The following EMILIN2 variants were observed in gnomAD, a reference collection of about 807,000 sequenced individuals.
EMILIN2 encodes EMILIN-2.
A neutral mutation model predicts 87.1 loss-of-function variants in EMILIN2; 71 were observed. That is an observed-to-expected ratio of 0.82 (90% CI 0.67 to 0.99). EMILIN2 has a LOEUF of 0.99. Ranked by LOEUF, EMILIN2 falls within the 50% of genes least tolerant of loss-of-function variation. The pLI is 0.00. For missense variants in EMILIN2, 1,407 were observed against 1,371.8 expected (o/e 1.03, Z -0.40); for synonymous variants, 581 against 563.4 (o/e 1.03, Z -0.44).
chr18:2,886,419 G>A (rs894250719), intron 3 of EMILIN2, among the ~76,000 whole-genome samples: 1 of 152,104 alleles, frequency 6.6e-6, no homozygotes, highest in African/African-American at 2.4e-5. Context: ...GGACTAATAG[G>A]AAAAACAATG....
chr18:2,858,569 A>ATATATATG (rs1305555851), intron 2 of EMILIN2, among the ~76,000 whole-genome samples: 44 of 55,344 alleles, frequency 8.0e-4, no homozygotes, highest in African/African-American at 1.7e-3. Flanking sequence ...ATATATATAT[A>ATATATATG]TGTGTGTGTG....
rs1157417174 is a variant in EMILIN2 at position 2,914,959 on chromosome 18, G to C, written c.*1555G>C. On this transcript the variant is annotated 3_prime_UTR_variant, in exon 8 of 8. Transcript: ENST00000254528. ...TCAGAGAGTATCCTTGGCTGTCCTA[G>C]GAATGACTCATGGAAAGCGCCCCAG... The C allele has an allele frequency of 1.3e-5, 2 of 152,218 alleles. No homozygotes were observed. The highest frequency in any genetic ancestry group is 1.3e-4 in the Admixed American group (2 of 15,282). 9.4% of individuals were successfully genotyped at this position (152,218 alleles called of 1,614,324 possible). A position where few individuals can be genotyped will look rare whatever the true frequency, so the allele number is the denominator to read the frequency against.
intron 4 of EMILIN2, chr18:2,906,407 G>A (rs1370602407): frequency 6.1e-6 from 1 of 164,684 alleles, no homozygotes. Context: ...GTTCAGAGAC[G>A]GTGCGGGGGT....
chr18:2,872,466 C>T (rs1203717368), intron 2 of EMILIN2, among the ~76,000 whole-genome samples: 2 of 152,206 alleles, frequency 1.3e-5, no homozygotes, highest in Non-Finnish European at 2.9e-5. Context: ...AAGCGAGCCT[C>T]CTGCCTCGGC....
chr18:2,846,702 C>G (rs777748848), upstream of EMILIN2: 2 of 974,842 alleles, frequency 2.1e-6, no homozygotes, highest in Non-Finnish European at 2.4e-6. This position sits in a 1 kb window ranked among gnomAD's most constrained non-coding sequence, Gnocchi z 5.3. Flanking sequence ...GACTCGCCGA[C>G]GGCGGCCGCG....
Position 2,847,173 on chromosome 18 carries a change from GC to G in EMILIN2, c.-13del. The G allele has an allele frequency of 9.1e-7, 1 of 1,099,056 alleles. No homozygotes were observed. The highest frequency in any genetic ancestry group is 4.1e-4 in the Middle Eastern group (1 of 2,466). 68.1% of individuals were successfully genotyped at this position (1,099,056 alleles called of 1,614,324 possible). Reference sequence around the variant, plus strand: ...CTCCGGACCCGGGCAGGCGGGGCGCGCCCGCTGCGCGCGGGATGTGGCAGCC... The same window carrying G: ...CTCCGGACCCGGGCAGGCGGGGCGCGCCGCTGCGCGCGGGATGTGGCAGCC... On this transcript the variant is annotated 5_prime_UTR_variant, in exon 1 of 8. Coordinates refer to ENST00000254528, the MANE Select transcript of EMILIN2 (RefSeq NM_032048.3). This position sits in a 1 kb window ranked among gnomAD's most constrained non-coding sequence, Gnocchi z 4.5.
chr18:2,910,543 T>C (rs1463756706), intron 7 of EMILIN2, among the ~76,000 whole-genome samples: 1 of 152,132 alleles, frequency 6.6e-6, no homozygotes, highest in Admixed American at 6.5e-5. Flanking sequence ...CCCAGGCAGG[T>C]GTGGGGAGGT....
chr18:2,868,747 C>T (rs982915652), intron 2 of EMILIN2, among the ~76,000 whole-genome samples: 97 of 152,358 alleles, frequency 6.4e-4, no homozygotes, highest in East Asian at 1.9e-3. Context: ...ATGGCAGCAG[C>T]ACAGTCCAGC....
chr18:2,867,557 C>T lies in EMILIN2; in HGVS notation c.258-17407C>T, dbSNP rs887803140. Among the ~76,000 whole-genome samples, 6 of 152,224 alleles carry T rather than the reference C, an allele frequency of 3.9e-5. No homozygotes were observed. In the South Asian group the frequency reaches 8.3e-4, roughly 21 times the overall value. Reference sequence around the variant, plus strand: ...ATTAGGGAGTGGTGATGACTCTCAACGAGCATGCTGCCTTCAAGCATCTGT... The same window carrying T: ...ATTAGGGAGTGGTGATGACTCTCAATGAGCATGCTGCCTTCAAGCATCTGT... On this transcript the variant is annotated intron_variant, in intron 2 of 7. Coordinates refer to ENST00000254528, the MANE Select transcript of EMILIN2 (RefSeq NM_032048.3).
intron 2 of EMILIN2, among the ~76,000 whole-genome samples, chr18:2,856,047 A>T (rs1674909078): frequency 6.6e-6 from 1 of 152,162 alleles, no homozygotes; most frequent in Non-Finnish European, 1.5e-5. Context: ...GTGAATTAAG[A>T]TAATAATGAT....
chr18:2,846,998 G>T, upstream of EMILIN2: 1 of 1,025,110 alleles, frequency 9.8e-7, no homozygotes, highest in Non-Finnish European at 1.2e-6. The surrounding 1 kb of genome is among the most constrained non-coding windows in gnomAD (Gnocchi z 5.3). Flanking sequence ...CAGGGCGCAC[G>T]GGGCTGCAGA....
intron 4 of EMILIN2, among the ~76,000 whole-genome samples, chr18:2,893,976 G>T (rs968800414): frequency 1.3e-5 from 2 of 152,150 alleles, no homozygotes; most frequent in African/African-American, 4.8e-5. Context: ...TGTGCTAGAA[G>T]GAACCTATTC....
chr18:2,888,588 A>G (rs9960441), intron 3 of EMILIN2, among the ~76,000 whole-genome samples: 19,826 of 151,486 alleles, frequency 0.13, 1,491 homozygotes, highest in South Asian at 0.31. Context: ...GGTGGTGGGC[A>G]CCTGTAGTCC....
intron 6 of EMILIN2, among the ~76,000 whole-genome samples, chr18:2,909,482 G>A (rs73936857): frequency 0.065 from 9,943 of 152,248 alleles, 920 homozygotes; most frequent in African/African-American, 0.21. Flanking sequence ...GAGTCTGTCC[G>A]GTTTCTCAGA....
chr18:2,860,555 A>G (rs924886619), intron 2 of EMILIN2, among the ~76,000 whole-genome samples: 41 of 152,158 alleles, frequency 2.7e-4, no homozygotes, highest in African/African-American at 9.2e-4. Context: ...TGTCCCTACA[A>G]AGGACATGAA....
chr18:2,877,101 G>A (rs1394819376), intron 2 of EMILIN2, among the ~76,000 whole-genome samples: 1 of 152,180 alleles, frequency 6.6e-6, no homozygotes, highest in Non-Finnish European at 1.5e-5. Context: ...GTGGGAGACT[G>A]TTTCAGACTG....
intron 2 of EMILIN2, among the ~76,000 whole-genome samples, chr18:2,876,600 A>G (rs1372208070): frequency 2.2e-5 from 3 of 136,452 alleles, no homozygotes; most frequent in African/African-American, 8.1e-5. Context: ...CCCCGTCTCT[A>G]CTAAAAATAC....
intron 4 of EMILIN2, among the ~76,000 whole-genome samples, chr18:2,899,626 A>T (rs553342095): frequency 2.8e-4 from 43 of 151,774 alleles, no homozygotes; most frequent in South Asian, 6.3e-4. Flanking sequence ...TGCCTCAGCC[A>T]CCCGAATAGC....
At chr18:2,849,074 G>A (rs767520102) in intron 2 of EMILIN2, among the ~76,000 whole-genome samples, 1 of 152,198 alleles carries the variant, frequency 6.6e-6, no homozygotes, top group African/African-American at 2.4e-5. Context: ...AGTGGAAAAC[G>A]CTGAAATTGA....
Sources: gnomAD v4.1 joint callset for allele counts (sites outside exome capture counted in the v4.1 genomes callset) on GRCh38, gnomAD v4.1.1 for gene constraint, Gnocchi (gnomAD v3.1) non-coding constraint, MANE v1.5 for transcripts, NCBI Gene and HGNC (gene_info 2026-07-23, HGNC 2026-07-21) for gene names.